FGFR2: variants seen among roughly 807,000 people sequenced by gnomAD.
FGFR2 encodes BEK fibroblast growth factor receptor.
Under a neutral mutation model 95.9 loss-of-function variants are expected in FGFR2, and 19 were observed. The ratio of observed to expected loss-of-function variants is 0.20; its 90% CI spans 0.14 to 0.29. The LOEUF is 0.29. Among genes scored for constraint, FGFR2 ranks in the 10% least tolerant of loss-of-function variants. FGFR2 has a pLI of 1.00. For missense variants in FGFR2, 707 were observed against 1,056.9 expected, an observed-to-expected ratio of 0.67 and a Z score of 4.59; for synonymous variants, 392 against 393.3, an observed-to-expected ratio of 1.00 and a Z score of 0.04.
intron 4 of FGFR2, among the ~76,000 whole-genome samples, chr10:121,562,626 T>G (rs961938068): frequency 6.6e-6 from 1 of 152,102 alleles, no homozygotes; most frequent in Non-Finnish European, 1.5e-5. Flanking sequence ...TAAACTTTGA[T>G]ACATACAAAC....
chr10:121,595,239 A>G lies in FGFR2; in HGVS notation c.-150-1272T>C, dbSNP rs150853850. 7.7e-3 allele frequency among the ~76,000 whole-genome samples: 1,180 copies of G among 152,358 alleles called. 3 individuals are homozygous for G. Among genetic ancestry groups the G allele is most frequent in the Non-Finnish European group, 0.01 (697 of 68,036 alleles). On this transcript the variant is annotated intron_variant, in intron 1 of 17. Coordinates refer to ENST00000358487, the MANE Select transcript of FGFR2 (RefSeq NM_000141.5). Reference sequence around the variant, plus strand: ...TTTCAAGTTATGTCATAGGATTTCAACACTGCTGGAGCCTCCCCAAATCTC... The same window carrying G: ...TTTCAAGTTATGTCATAGGATTTCAGCACTGCTGGAGCCTCCCCAAATCTC...
chr10:121,575,177 G>T (rs1859522679), intron 2 of FGFR2, among the ~76,000 whole-genome samples: 4 of 152,190 alleles, frequency 2.6e-5, no homozygotes, highest in Admixed American at 2.6e-4. Context: ...TGAGAAACAT[G>T]CTGGATGGCT....
intron 4 of FGFR2, among the ~76,000 whole-genome samples, chr10:121,557,815 C>G (rs889825687): frequency 6.6e-6 from 1 of 152,084 alleles, no homozygotes; most frequent in Non-Finnish European, 1.5e-5. Flanking sequence ...GAACTGTTAT[C>G]GGCAGGTTAA....
At position 121,577,066 on chromosome 10, in the gene FGFR2, C is replaced by T. The variant is rs185542608; in HGVS notation, c.110-11362G>A. On this transcript the variant is annotated intron_variant, in intron 2 of 17. Transcript: ENST00000358487. ...AGGAGAATCGCTTGAACCTGGGAGG[C>T]GGAAGTTGCAGTGAGCCAAGATCAC... Among the ~76,000 whole-genome samples the T allele has an allele frequency of 2.7e-3, 355 of 133,140 alleles. 1 individual carries two copies. The highest frequency in any genetic ancestry group is 9.9e-3 in the African/African-American group (338 of 34,066). The allele number at this position is 133,140 out of a possible 152,430, so 87.3% of individuals were successfully genotyped here.
At chr10:121,494,019 G>A (rs374078630) in intron 13 of FGFR2, among the ~76,000 whole-genome samples, 21 of 151,738 alleles carry the variant, frequency 1.4e-4, no homozygotes, top group South Asian at 4.2e-4. Flanking sequence ...AGCTTTTCTC[G>A]GTGTCTTTGG....
rs11199999 is a variant in FGFR2, at chr10:121,549,963, A to G, written c.624+1327T>C. ...CTACCATACCTTGGGGCAATTTATT[A>G]TGCAGCAACAGGTAACTAATATGCC... On this transcript the variant is annotated intron_variant, in intron 5 of 17. Transcript: ENST00000358487. 2.0e-5 allele frequency among the ~76,000 whole-genome samples: 3 copies of G among 152,350 alleles called. No individual in the cohort carries two copies. The East Asian group carries it at 5.8e-4, about 29-fold the overall frequency.
intron 2 of FGFR2, among the ~76,000 whole-genome samples, chr10:121,589,735 T>C (rs1381919218): frequency 6.6e-6 from 1 of 152,240 alleles, no homozygotes; most frequent in Non-Finnish European, 1.5e-5. Flanking sequence ...AAAGAATGTG[T>C]ACTTCATTGT....
chr10:121,558,762 A>G (rs1273065806), intron 4 of FGFR2, among the ~76,000 whole-genome samples: 1 of 151,888 alleles, frequency 6.6e-6, no homozygotes, highest in Non-Finnish European at 1.5e-5. Flanking sequence ...GCTAATTTTT[A>G]TATTTTAGTA....
intron 12 of FGFR2, among the ~76,000 whole-genome samples, chr10:121,497,115 A>G (rs1415543891): frequency 7.2e-6 from 1 of 138,840 alleles, no homozygotes; most frequent in East Asian, 2.1e-4. Context: ...TAGGCAACAG[A>G]GCGAGACTTT....
intron 6 of FGFR2, among the ~76,000 whole-genome samples, chr10:121,528,624 C>T (rs1053140727): frequency 6.6e-6 from 1 of 152,212 alleles, no homozygotes; most frequent in African/African-American, 2.4e-5. Context: ...CAAGAAATGC[C>T]TCCCTTTGAT....
chr10:121,487,901 A>G (rs1205625907), intron 14 of FGFR2, 90 bp downstream of exon 14: 1 of 1,544,376 alleles, frequency 6.5e-7, no homozygotes, highest in Non-Finnish European at 8.9e-7. Flanking sequence ...CAGCCATCCC[A>G]CCCAGCTCTC....
chr10:121,505,444 A>G (rs1848144398), intron 9 of FGFR2, among the ~76,000 whole-genome samples: 1 of 152,192 alleles, frequency 6.6e-6, no homozygotes, highest in South Asian at 2.1e-4. Context: ...CATTATGCAG[A>G]TAGTATGAGC....
In FGFR2 at chr10:121,524,062, CCA is replaced by C. The variant is rs560586819; in HGVS notation, c.749-3895_749-3894del. Among the ~76,000 whole-genome samples, 5 of 150,122 alleles carry C rather than the reference CCA, an allele frequency of 3.3e-5. No individual in the cohort carries two copies. The South Asian group carries it at 1.1e-3, about 32-fold the overall frequency. ...CTTGTGGTCAAAGTGCTGCTGAGCT[CCA>C]GTTATTAAGTTATTCCAATGCTATC... is the stretch of plus-strand genomic sequence containing the variant. On this transcript the variant is annotated intron_variant, in intron 6 of 17. Transcript: ENST00000358487.
chr10:121,580,507 T>C (rs1187310611), intron 2 of FGFR2, among the ~76,000 whole-genome samples: 4 of 152,056 alleles, frequency 2.6e-5, no homozygotes, highest in African/African-American at 4.8e-5. Flanking sequence ...AGGCACAGAG[T>C]TGTGGCCTGG....
intron 2 of FGFR2, among the ~76,000 whole-genome samples, chr10:121,592,942 C>T (rs1026129344): frequency 2.6e-5 from 4 of 152,196 alleles, no homozygotes; most frequent in Non-Finnish European, 5.9e-5. Context: ...GCTTGGCTCA[C>T]GTTGTCTCCA....
At chr10:121,538,942 G>T (rs1853273556) in intron 5 of FGFR2, among the ~76,000 whole-genome samples, 2 of 152,212 alleles carry the variant, frequency 1.3e-5, no homozygotes, top group South Asian at 4.1e-4. Flanking sequence ...ATCTGCAGGA[G>T]TATTCGGCAG....
chr10:121,496,765 G>T, intron 12 of FGFR2, 43 bp from the exon 13 acceptor site: 2 of 1,576,666 alleles, frequency 1.3e-6, no homozygotes, highest in Non-Finnish European at 8.7e-7. Flanking sequence ...AGAATCCAGG[G>T]TCTCCCCTTG....
intron 2 of FGFR2, among the ~76,000 whole-genome samples, chr10:121,575,646 G>GGA (rs1309699985): frequency 2.0e-5 from 3 of 150,986 alleles, no homozygotes; most frequent in South Asian, 2.1e-4. Context: ...CCTGAGGTCA[G>GGA]GAGTTCAAGA....
rs998596212 is a variant in FGFR2, at chr10:121,531,041, A to G, written c.748+7551T>C. Among the ~76,000 whole-genome samples, 1 of 152,178 alleles carries G rather than the reference A, an allele frequency of 6.6e-6. No homozygotes were observed. The highest frequency in any genetic ancestry group is 2.4e-5 in the African/African-American group (1 of 41,454). On this transcript the variant is annotated intron_variant, in intron 6 of 17. Coordinates refer to ENST00000358487, the MANE Select transcript of FGFR2 (RefSeq NM_000141.5). The surrounding 1 kb of genome is among the most constrained non-coding windows in gnomAD (Gnocchi z 4.5). ...CACCATAAATGAAATGCCAAGATTA[A>G]ATGCCAGACCAAATATTAGCCCTCT... is the stretch of plus-strand genomic sequence containing the variant.
Sources: gnomAD v4.1 joint callset for allele counts (sites outside exome capture counted in the v4.1 genomes callset) on GRCh38, gnomAD v4.1.1 for gene constraint, Gnocchi (gnomAD v3.1) non-coding constraint, MANE v1.5 for transcripts, NCBI Gene and HGNC (gene_info 2026-07-23, HGNC 2026-07-21) for gene names.